Variants in SPEG observed in about 807,000 individuals in gnomAD.
SPEG encodes the protein striated muscle preferentially expressed protein kinase.
Under a neutral mutation model 300.4 loss-of-function variants are expected in SPEG, and 114 were observed. The ratio of observed to expected loss-of-function variants is 0.38; its 90% CI spans 0.33 to 0.44. SPEG has a LOEUF of 0.44. Among genes scored for constraint, SPEG ranks in the 20% least tolerant of loss-of-function variants. The pLI is 1.00. For synonymous variants in SPEG, 1,964 were observed against 2,018.9 expected, an observed-to-expected ratio of 0.97 and a Z score of 0.73; for missense variants, 4,201 against 4,586.2, an observed-to-expected ratio of 0.92 and a Z score of 2.43.
chr2:219,477,606 T>G lies in SPEG; in HGVS notation c.4730-83T>G, dbSNP rs2125518101. On this transcript the variant is annotated intron_variant, in intron 20 of 40. Coordinates refer to ENST00000312358, the MANE Select transcript of SPEG (RefSeq NM_005876.5). This position sits in a 1 kb window ranked among gnomAD's most constrained non-coding sequence, Gnocchi z 6.4. ...CCAACATTCTTGCACCTCTTCTCTC[T>G]TCTTCTTCTGTCCACCTGTCCCAGT... The G allele has an allele frequency of 7.2e-7, 1 of 1,397,550 alleles. No individual in the cohort carries two copies. The highest frequency in any genetic ancestry group is 2.3e-5 in the East Asian group (1 of 42,990). The allele number at this position is 1,397,550 out of a possible 1,614,324, so 86.6% of individuals were successfully genotyped here. A position where few individuals can be genotyped will look rare whatever the true frequency, so the allele number is the denominator to read the frequency against.
intron 1 of SPEG, chr2:219,441,603 G>A (rs750642465): frequency 2.1e-6 from 1 of 470,580 alleles, no homozygotes; most frequent in South Asian, 1.5e-5. Context: ...AGGTGAGGGT[G>A]GGAGGAGGCT....
Position 219,448,737 on chromosome 2 carries a change from C to G in SPEG, c.1579C>G (p.Pro527Ala), listed in dbSNP as rs973266245. ...LRATLQRAPS[P>A]REPGEPPLFS... The stretch of plus-strand genomic sequence containing the variant: ...CGCCACGCTGCAGCGTGCCCCATCC[C>G]CTCGAGAGCCCGGCGAGCCCCCGCT... The change falls in exon 4 of 41, where the codon CCT (proline) becomes GCT (alanine). Residue 527 changes from proline to alanine, a missense_variant. Pro to Ala is a conservative substitution (Grantham distance 27, BLOSUM62 -1). Around this residue, in one of 4 missense-constraint regions of SPEG, gnomAD observed 1,258 missense variants for 1,293.9 expected, o/e 0.97. Transcript: ENST00000312358. 2 of 1,481,502 alleles carry G rather than the reference C, an allele frequency of 1.3e-6. No individual in the cohort carries two copies. The highest frequency in any genetic ancestry group is 1.8e-6 in the Non-Finnish European group (2 of 1,122,822). 91.8% of individuals were successfully genotyped at this position (1,481,502 alleles called of 1,614,324 possible).
chr2:219,484,306 G>T lies in SPEG; in HGVS notation c.6843G>T (p.Arg2281Ser). 6.2e-7 allele frequency: 1 copy of T among 1,605,606 alleles called. No homozygotes were observed. ...AGCCCCACGCTGCTGTCTTTGCCAG[G>T]GTGGCCTCCCCACCTCCGGGAGCCC... Reference protein sequence around the residue: ...EPKPHAAVFARVASPPPGAPE... With the variant: ...EPKPHAAVFASVASPPPGAPE... The change falls in exon 30 of 41, where the codon AGG (arginine) becomes AGT (serine). Residue 2281 changes from arginine to serine, a missense_variant. This residue lies in a region of SPEG where 1,578 missense variants were observed against 1,506.0 expected (regional missense o/e 1.05). Transcript: ENST00000312358.
chr2:219,480,568 C>T lies in SPEG; in HGVS notation c.5343-103C>T. On this transcript the variant is annotated intron_variant, in intron 25 of 40. Coordinates refer to ENST00000312358, the MANE Select transcript of SPEG (RefSeq NM_005876.5). The surrounding 1 kb of genome is among the most constrained non-coding windows in gnomAD (Gnocchi z 5.3). ...TGTGCCCATTGTCCATGGCAGTGTT[C>T]CCAGGGAGGTAACAGCTCACTCAGG... 1 of 1,201,058 alleles carries T rather than the reference C, an allele frequency of 8.3e-7. No individual in the cohort carries two copies. Among genetic ancestry groups the T allele is most frequent in the Non-Finnish European group, 1.2e-6 (1 of 807,052 alleles). 74.4% of individuals were successfully genotyped at this position (1,201,058 alleles called of 1,614,324 possible).
In SPEG at chr2:219,462,291, C is replaced by T. The variant is rs774234908; in HGVS notation, c.2617-7C>T. 7.7e-6 allele frequency: 12 copies of T among 1,558,496 alleles called. No homozygotes were observed. The highest frequency in any genetic ancestry group is 8.7e-6 in the Non-Finnish European group (10 of 1,150,176). On this transcript the variant is annotated splice_region_variant and splice_polypyrimidine_tract_variant and intron_variant, in intron 7 of 40. Coordinates refer to ENST00000312358, the MANE Select transcript of SPEG (RefSeq NM_005876.5). ...CTTCCCCTGACACTTTGGGGTACCC[C>T]CTTCAGGTCTCACTTATGGACCAGT...
Position 219,471,723 on chromosome 2 carries a change from C to T in SPEG, c.3716-145C>T, listed in dbSNP as rs1691889767. 7.2e-6 allele frequency: 7 copies of T among 972,786 alleles called. No individual in the cohort carries two copies. The East Asian group carries it at 7.7e-5, about 11-fold the overall frequency. 60.3% of individuals were successfully genotyped at this position (972,786 alleles called of 1,614,324 possible). A position where few individuals can be genotyped will look rare whatever the true frequency, so the allele number is the denominator to read the frequency against. ...TGCACCATGGATGCACTTCTTGCTG[C>T]CTGCCCCATCCTTGCCCCATCCTTG... On this transcript the variant is annotated intron_variant, in intron 13 of 40. Coordinates refer to ENST00000312358, the MANE Select transcript of SPEG (RefSeq NM_005876.5).
chr2:219,447,758 T>C (rs1209205191), intron 3 of SPEG, among the ~76,000 whole-genome samples: 1 of 151,544 alleles, frequency 6.6e-6, no homozygotes, highest in African/African-American at 2.4e-5. Flanking sequence ...ACCCAGCCAT[T>C]AGCCCAATCT....
chr2:219,487,229 A>T (rs1170745857), intron 31 of SPEG, among the ~76,000 whole-genome samples: 1 of 152,030 alleles, frequency 6.6e-6, no homozygotes, highest in Admixed American at 6.5e-5. Context: ...ACATTGGAGG[A>T]AGGAAAACTG....
Position 219,445,007 on chromosome 2 carries a change from G to C in SPEG, c.661G>C (p.Gly221Arg). ...SPRQAQATGAGPRHLGVEPLV... is the reference protein window; with the variant it reads ...SPRQAQATGARPRHLGVEPLV... ...AAGGCAAGCACAGGCAACCGGGGCC[G>C]GGCCACGGCACCTGGGGGTGGAGCC... The change falls in exon 3 of 41, where the codon GGG becomes CGG. Residue 221 changes from glycine to arginine, a missense_variant. Gly to Arg is a moderately radical substitution (Grantham distance 125, BLOSUM62 -2). Transcript: ENST00000312358. This position sits in a 1 kb window ranked among gnomAD's most constrained non-coding sequence, Gnocchi z 6.1. 1 of 1,610,618 alleles carries C rather than the reference G, an allele frequency of 6.2e-7. No individual in the cohort carries two copies. The highest frequency in any genetic ancestry group is 8.5e-7 in the Non-Finnish European group (1 of 1,178,754).
intron 9 of SPEG, chr2:219,466,735 G>A (rs1385834980): frequency 3.0e-6 from 3 of 1,003,698 alleles, no homozygotes; most frequent in Non-Finnish European, 3.6e-6. Context: ...GGGCTGGGGT[G>A]CTCTGTCTGG....
chr2:219,485,220 AGCAGGAATGGCGGCAGG>A, intron 30 of SPEG, 109 bp from the exon 31 acceptor site: 1 of 1,487,236 alleles, frequency 6.7e-7, no homozygotes, highest in Non-Finnish European at 9.1e-7. Flanking sequence ...AGGGGAGGAA[AGCAGGAATGGCGGCAGG>A]GCTGGGTGGG....
intron 9 of SPEG, chr2:219,465,908 CATGCGTGTGTGT>C: frequency 1.5e-6 from 1 of 683,358 alleles, no homozygotes; most frequent in Non-Finnish European, 2.5e-6. Context: ...TGGGTGTGTG[CATGCGTGTGTGT>C]GTGCGCGCGT....
Position 219,448,605 on chromosome 2 carries a change from C to A in SPEG, c.1447C>A (p.Gln483Lys). ...KAASLDERTRQRSPASDLELR... is the reference protein window; with the variant it reads ...KAASLDERTRKRSPASDLELR... ...GGCCTCGCTGGACGAGCGCACGCGT[C>A]AGCGCAGCCCGGCCTCAGACCTCGA... is the stretch of plus-strand genomic sequence containing the variant. Residue 483 changes from glutamine (Q) to lysine (K), a missense_variant, in exon 4 of 41, where the codon CAG (glutamine) becomes AAG (lysine). This residue lies in a region of SPEG where 1,258 missense variants were observed against 1,293.9 expected (regional missense o/e 0.97). Coordinates refer to ENST00000312358, the MANE Select transcript of SPEG (RefSeq NM_005876.5). 6.8e-7 allele frequency: 1 copy of A among 1,471,346 alleles called. No individual in the cohort carries two copies. Among genetic ancestry groups the A allele is most frequent in the Non-Finnish European group, 8.9e-7 (1 of 1,119,266 alleles). The allele number at this position is 1,471,346 out of a possible 1,614,324, so 91.1% of individuals were successfully genotyped here.
Position 219,485,058 on chromosome 2 carries a change from C to T in SPEG, c.7595C>T (p.Thr2532Met). ...AESLGSEASA[T>M]SGSSAPGESR... is the part of the protein sequence containing the mutation. ...TCCCTGGGCTCCGAGGCCAGCGCCA[C>T]GTCGGGCTCCTCAGGTGAGGAGGGG... The change falls in exon 30 of 41, where the codon ACG becomes ATG. Residue 2532 changes from threonine (T) to methionine (M), a missense_variant. Physicochemically the swap from Thr to Met is moderately conservative, Grantham distance 81. This residue lies in a region of SPEG where 1,578 missense variants were observed against 1,506.0 expected (regional missense o/e 1.05). Coordinates refer to ENST00000312358, the MANE Select transcript of SPEG (RefSeq NM_005876.5). 2.0e-6 allele frequency: 3 copies of T among 1,532,498 alleles called. No homozygotes were observed. Among genetic ancestry groups the T allele is most frequent in the African/African-American group, 1.4e-5 (1 of 72,900 alleles). 94.9% of individuals were successfully genotyped at this position (1,532,498 alleles called of 1,614,324 possible). A position where few individuals can be genotyped will look rare whatever the true frequency, so the allele number is the denominator to read the frequency against.
In SPEG at chr2:219,492,705, C is replaced by G; in HGVS notation, c.9723C>G (p.Phe3241Leu). The change falls in exon 41 of 41, where the codon TTC (phenylalanine) becomes TTG (leucine). Residue 3241 changes from phenylalanine (F) to leucine (L), a missense_variant. This residue lies in a region of SPEG where 318 missense variants were observed against 429.5 expected (regional missense o/e 0.74). Transcript: ENST00000312358. ...LTFTTNRLKE[F>L]LGEQRRRRAE... is the part of the protein sequence containing the mutation. The stretch of plus-strand genomic sequence containing the variant: ...TCACCACCAACCGGCTCAAGGAGTT[C>G]CTGGGCGAGCAGCGGCGGCGCCGGG... The G allele has an allele frequency of 6.2e-7, 1 of 1,607,512 alleles. No homozygotes were observed. Among genetic ancestry groups the G allele is most frequent in the Non-Finnish European group, 8.5e-7 (1 of 1,179,852 alleles).
chr2:219,446,371 G>A (rs969726458), intron 3 of SPEG, among the ~76,000 whole-genome samples: 6 of 152,172 alleles, frequency 3.9e-5, no homozygotes, highest in African/African-American at 1.4e-4. Flanking sequence ...CTGCCGGCAA[G>A]AGGCCTCCTC....
intron 6 of SPEG, chr2:219,460,558 C>T (rs550531442): frequency 1.1e-5 from 11 of 985,450 alleles, no homozygotes; most frequent in East Asian, 1.1e-4. Flanking sequence ...CACCGCAGAG[C>T]GGGCTTTGCT....
intron 28 of SPEG, 138 bp from the exon 29 acceptor site, chr2:219,482,645 AC>A (rs1169225248): frequency 1.5e-5 from 10 of 688,524 alleles, no homozygotes; most frequent in Non-Finnish European, 2.3e-5. Context: ...GGGGAAGGGG[AC>A]CCCCAGGAGC....
In SPEG at chr2:219,484,375, C is replaced by T. The variant is rs542868874; in HGVS notation, c.6912C>T (p.Ala2304=). The part of the protein sequence containing the change: ...VPSAGGPPVL[A]EKARVPTVPP... ...CAGCCGGGGGTCCCCCGGTGCTAGC[C>T]GAGAAAGCCCGAGTTCCCACGGTGC... The change falls in exon 30 of 41, where the codon GCC becomes GCT. Residue 2304 remains alanine (A), a synonymous_variant. Transcript: ENST00000312358. 25 of 1,608,050 alleles carry T rather than the reference C, an allele frequency of 1.6e-5. No individual in the cohort carries two copies. In the East Asian group the frequency reaches 4.9e-4, roughly 32 times the overall value.
Sources: gnomAD v4.1 joint callset for allele counts (sites outside exome capture counted in the v4.1 genomes callset) on GRCh38, gnomAD v4.1.1 for gene constraint, gnomAD v4.1.1 regional missense constraint, Gnocchi (gnomAD v3.1) non-coding constraint, MANE v1.5 for transcripts, NCBI Gene and HGNC (gene_info 2026-07-23, HGNC 2026-07-21) for gene names.